HECW1: variants seen among roughly 807,000 people sequenced by gnomAD.
The protein encoded by HECW1 is E3 ubiquitin-protein ligase HECW1.
In HECW1, 61 loss-of-function variants were observed where a neutral mutation model predicts 182.3. The observed-to-expected ratio is 0.33, with a 90% CI of 0.27 to 0.41. The LOEUF is 0.41. Ranked by LOEUF, HECW1 falls within the 10% of genes least tolerant of loss-of-function variation. The pLI is 1.00. For missense variants in HECW1, 1,739 were observed against 2,108.9 expected (o/e 0.82, Z 3.44); for synonymous variants, 859 against 832.6 (o/e 1.03, Z -0.55).
intron 2 of HECW1, among the ~76,000 whole-genome samples, chr7:43,145,606 T>G (rs1788621881): frequency 6.6e-6 from 1 of 152,220 alleles, no homozygotes; most frequent in South Asian, 2.1e-4. Flanking sequence ...CATGAACAGC[T>G]TCTGGAGGCA....
At chr7:43,478,134 C>T (rs890566642) in intron 16 of HECW1, among the ~76,000 whole-genome samples, 2 of 152,072 alleles carry the variant, frequency 1.3e-5, no homozygotes, top group Admixed American at 6.5e-5. Flanking sequence ...CGAGAGTGTT[C>T]GGCCAGGCTT....
At chr7:43,209,914 C>T (rs1795851833) in intron 2 of HECW1, among the ~76,000 whole-genome samples, 1 of 152,178 alleles carries the variant, frequency 6.6e-6, no homozygotes, top group African/African-American at 2.4e-5. Flanking sequence ...CCCACAGCAT[C>T]TCTACTTAAG....
At chr7:43,283,929 C>T (rs906271619) in intron 3 of HECW1, among the ~76,000 whole-genome samples, 4 of 152,176 alleles carry the variant, frequency 2.6e-5, no homozygotes, top group African/African-American at 9.7e-5. Flanking sequence ...GCTGCGGCTG[C>T]CTTGAGTGTC....
chr7:43,428,756 A>T (rs1374204627), intron 8 of HECW1, among the ~76,000 whole-genome samples: 1 of 152,212 alleles, frequency 6.6e-6, no homozygotes, highest in African/African-American at 2.4e-5. Flanking sequence ...ACTCTAAAGT[A>T]GGCACAAGAA....
intron 9 of HECW1, chr7:43,438,733 T>C (rs1440422258): frequency 6.6e-6 from 1 of 152,272 alleles, no homozygotes; most frequent in Non-Finnish European, 1.5e-5. Flanking sequence ...TGTCCACTCA[T>C]GGTTCTCATT....
rs1160190501 is a variant in HECW1, at chr7:43,565,580, T to A, written c.*3654T>A. The A allele has an allele frequency of 1.9e-5, 3 of 157,638 alleles. No individual in the cohort carries two copies. The highest frequency in any genetic ancestry group is 9.3e-5 in the African/African-American group (3 of 32,218). The allele number at this position is 157,638 out of a possible 1,614,324, so 9.8% of individuals were successfully genotyped here. On this transcript the variant is annotated 3_prime_UTR_variant, in exon 30 of 30. Coordinates refer to ENST00000395891, the MANE Select transcript of HECW1 (RefSeq NM_015052.5). Reference sequence around the variant, plus strand: ...TGCTTTATTATTATTATTATTATTATTTTTATTATTATTATTATTACGTAC... The same window carrying A: ...TGCTTTATTATTATTATTATTATTAATTTTATTATTATTATTATTACGTAC...
intron 3 of HECW1, among the ~76,000 whole-genome samples, chr7:43,290,304 G>A (rs73111014): frequency 0.028 from 4,304 of 152,318 alleles, 130 homozygotes; most frequent in East Asian, 0.16. Flanking sequence ...ACCACAGTCA[G>A]TTTGGAAAGT....
In HECW1 at chr7:43,360,817, C is replaced by G. The variant is rs564813951; in HGVS notation, c.461-69C>G. 5 of 1,128,636 alleles carry G rather than the reference C, an allele frequency of 4.4e-6. No individual in the cohort carries two copies. The South Asian group carries it at 6.2e-5, about 14-fold the overall frequency. 69.9% of individuals were successfully genotyped at this position (1,128,636 alleles called of 1,614,324 possible). A position where few individuals can be genotyped will look rare whatever the true frequency, so the allele number is the denominator to read the frequency against. The stretch of plus-strand genomic sequence containing the variant: ...ATGTTGCAGTTCTTAGAGATGTCCT[C>G]TGTGGCCATAGCTGTCTCTCCCTGG... On this transcript the variant is annotated intron_variant, in intron 5 of 29. Coordinates refer to ENST00000395891, the MANE Select transcript of HECW1 (RefSeq NM_015052.5).
intron 3 of HECW1, among the ~76,000 whole-genome samples, chr7:43,288,307 A>C (rs772096491): frequency 8.5e-5 from 13 of 152,168 alleles, no homozygotes; most frequent in Non-Finnish European, 1.6e-4. Flanking sequence ...CACTGTCAAA[A>C]TCCGGGAGCA....
intron 3 of HECW1, among the ~76,000 whole-genome samples, chr7:43,247,583 G>T (rs1799500440): frequency 6.6e-6 from 1 of 151,706 alleles, no homozygotes; most frequent in Non-Finnish European, 1.5e-5. Context: ...GGCTGCAGTG[G>T]GCTATAATCG....
intron 5 of HECW1, among the ~76,000 whole-genome samples, chr7:43,342,843 G>A (rs74703512): frequency 6.8e-6 from 1 of 147,694 alleles, no homozygotes; most frequent in Non-Finnish European, 1.5e-5. Flanking sequence ...GGCTAACACA[G>A]GGAAACCCTG....
chr7:43,390,167 C>T (rs2074965149), intron 6 of HECW1, among the ~76,000 whole-genome samples: 1 of 152,102 alleles, frequency 6.6e-6, no homozygotes, highest in South Asian at 2.1e-4. Flanking sequence ...AAATTGAGGA[C>T]CCTGTGCCTT....
intron 2 of HECW1, among the ~76,000 whole-genome samples, chr7:43,218,913 T>TC (rs1432823515): frequency 4.0e-5 from 6 of 151,700 alleles, no homozygotes; most frequent in Admixed American, 3.9e-4. Flanking sequence ...AGGAAGAAGC[T>TC]CCCCTGTACA....
At chr7:43,274,405 C>T in intron 3 of HECW1, 1 of 636,062 alleles carries the variant, frequency 1.6e-6, no homozygotes, top group South Asian at 1.7e-5. Flanking sequence ...CGTCTGGCTG[C>T]TCTATGACTC....
At chr7:43,155,897 C>T (rs1789829960) in intron 2 of HECW1, among the ~76,000 whole-genome samples, 1 of 152,192 alleles carries the variant, frequency 6.6e-6, no homozygotes, top group Admixed American at 6.5e-5. Flanking sequence ...GGCCTGTGCT[C>T]ACAAAGGTCT....
In HECW1 at chr7:43,563,440, A is replaced by C. The variant is rs2082260615; in HGVS notation, c.*1514A>C. On this transcript the variant is annotated 3_prime_UTR_variant, in exon 30 of 30. Transcript: ENST00000395891. ...GAAAAAGAAGAGCTCAAGAGACCCCACTATTTAAATGTCATTTAATTGTTT... is the reference window on the plus strand; with the variant it reads ...GAAAAAGAAGAGCTCAAGAGACCCCCCTATTTAAATGTCATTTAATTGTTT... 1 of 198,820 alleles carries C rather than the reference A, an allele frequency of 5.0e-6. No individual in the cohort carries two copies. The highest frequency in any genetic ancestry group is 2.3e-5 in the African/African-American group (1 of 43,416). 12.3% of individuals were successfully genotyped at this position (198,820 alleles called of 1,614,324 possible).
intron 2 of HECW1, among the ~76,000 whole-genome samples, chr7:43,172,492 A>C (rs1311012057): frequency 6.6e-6 from 1 of 151,884 alleles, no homozygotes; most frequent in African/African-American, 2.4e-5. Context: ...CCATGTATAC[A>C]TCTAGGCAGG....
chr7:43,350,069 TTCTC>T (rs1356734435), intron 5 of HECW1, among the ~76,000 whole-genome samples: 1 of 152,214 alleles, frequency 6.6e-6, no homozygotes, highest in Non-Finnish European at 1.5e-5. Context: ...TAATGGCAAA[TTCTC>T]TCAGCATTTG....
At position 43,432,327 on chromosome 7, in the gene HECW1, G is replaced by A. The variant is rs1447983925; in HGVS notation, c.802-5676G>A. ...GCTAATTTTTTGTATTTTTAGTAGA[G>A]ACGGGGTTTCACCGTTTTAGCCGGG... On this transcript the variant is annotated intron_variant, in intron 8 of 29. Transcript: ENST00000395891. The surrounding 1 kb of genome is among the most constrained non-coding windows in gnomAD (Gnocchi z 4.1). Among the ~76,000 whole-genome samples the A allele has an allele frequency of 6.6e-6, 1 of 151,152 alleles. No homozygotes were observed. Among genetic ancestry groups the A allele is most frequent in the Admixed American group, 6.6e-5 (1 of 15,192 alleles).
Sources: allele counts gnomAD v4.1 joint callset (sites outside exome capture counted in the v4.1 genomes callset), GRCh38; gene constraint gnomAD v4.1.1; non-coding constraint Gnocchi (gnomAD v3.1); transcripts MANE v1.5; gene names NCBI Gene and HGNC (gene_info 2026-07-23, HGNC 2026-07-21).